Variants in JAGN1 observed in about 807,000 individuals in gnomAD.
JAGN1 encodes protein jagunal homolog 1.
In JAGN1, 13 loss-of-function variants were observed where a neutral mutation model predicts 17.1. The observed-to-expected ratio is 0.76, with a 90% CI of 0.49 to 1.21. The LOEUF (loss-of-function observed/expected upper bound fraction) is 1.21. JAGN1 is among the 50% of genes most tolerant of loss of function. The probability of loss-of-function intolerance (pLI) is 0.00; values close to 1 mark genes in which losing one functional copy is unlikely to be tolerated. For missense variants in JAGN1, 256 were observed against 234.2 expected (o/e 1.09, Z -0.61); for synonymous variants, 111 against 91.0 (o/e 1.22, Z -1.25).
In JAGN1 at chr3:9,893,124, T is replaced by G. The variant is rs2082574355; in HGVS notation, c.299T>G (p.Leu100Arg). ...TTTCCCCGCAACAACATTAGCTACC[T>G]GGTGCTCTCCATGATCAGCATGGGA... is the stretch of plus-strand genomic sequence containing the variant. ...LSFPRNNISY[L>R]VLSMISMGLF... is the part of the protein sequence containing the mutation. The change falls in exon 2 of 2, where the codon CTG becomes CGG. Residue 100 changes from leucine (L) to arginine (R), a missense_variant. Leu to Arg is a moderately radical substitution (Grantham distance 102). Coordinates refer to ENST00000647897, the MANE Select transcript of JAGN1 (RefSeq NM_032492.4). The G allele has an allele frequency of 6.2e-7, 1 of 1,614,234 alleles. No individual in the cohort carries two copies. Among genetic ancestry groups the G allele is most frequent in the South Asian group, 1.1e-5 (1 of 91,088 alleles).
At chr3:9,891,654 ATCTC>A (rs1039389162) in intron 1 of JAGN1, among the ~76,000 whole-genome samples, 5 of 152,004 alleles carry the variant, frequency 3.3e-5, no homozygotes, top group Admixed American at 3.3e-4. Flanking sequence ...TGTTCTTCAC[ATCTC>A]TCTCTCCAGA....
At position 9,894,343 on chromosome 3, in the gene JAGN1, C is replaced by T. The variant is rs2082582684; in HGVS notation, c.*966C>T. On this transcript the variant is annotated 3_prime_UTR_variant, in exon 2 of 2. Transcript: ENST00000647897. ...TGATTAAACTAAAGGCCCTTTCACA[C>T]CTAAAATTCTGGCAGTATTTATTGC... 1 of 152,204 alleles carries T rather than the reference C, an allele frequency of 6.6e-6. No individual in the cohort carries two copies. Among genetic ancestry groups the T allele is most frequent in the East Asian group, 1.9e-4 (1 of 5,204 alleles). The allele number at this position is 152,204 out of a possible 1,614,324, so 9.4% of individuals were successfully genotyped here.
rs201260563 is a variant in JAGN1 at position 9,892,927 on chromosome 3, G to A, written c.102G>A (p.Lys34=). The change falls in exon 2 of 2, where the codon AAG becomes AAA. Residue 34 remains lysine, a synonymous_variant. Coordinates refer to ENST00000647897, the MANE Select transcript of JAGN1 (RefSeq NM_032492.4). Reference sequence around the variant, plus strand: ...CTCTGCCCCACAGTGTGACTCTCAAGTATGAAATCAAGAAGCTGATCTACG... The same window carrying A: ...CTCTGCCCCACAGTGTGACTCTCAAATATGAAATCAAGAAGCTGATCTACG... ...AMHYQMSVTL[K]YEIKKLIYVH... 7.0e-5 allele frequency: 112 copies of A among 1,611,104 alleles called. No homozygotes were observed. Among genetic ancestry groups the A allele is most frequent in the Admixed American group, 1.2e-4 (7 of 59,958 alleles).
intron 1 of JAGN1, among the ~76,000 whole-genome samples, chr3:9,892,133 A>G (rs1303573403): frequency 6.6e-6 from 1 of 152,094 alleles, no homozygotes; most frequent in African/African-American, 2.4e-5. Context: ...TCTCAGCCTC[A>G]GCCTCCCGAG....
chr3:9,890,686 G>C lies in JAGN1; in HGVS notation c.-37G>C. The C allele has an allele frequency of 1.3e-6, 2 of 1,578,046 alleles. No individual in the cohort carries two copies. The highest frequency in any genetic ancestry group is 1.7e-6 in the Non-Finnish European group (2 of 1,160,034). The stretch of plus-strand genomic sequence containing the variant: ...CTTGGCGGTGTCGTTGCGGTACCAG[G>C]TCCGCGTGAGGGGTTCGGGGGTTCT... On this transcript the variant is annotated 5_prime_UTR_variant, in exon 1 of 2. Coordinates refer to ENST00000647897, the MANE Select transcript of JAGN1 (RefSeq NM_032492.4).
chr3:9,892,546 C>T (rs1466026495), intron 1 of JAGN1, among the ~76,000 whole-genome samples: 1 of 152,072 alleles, frequency 6.6e-6, no homozygotes, highest in Non-Finnish European at 1.5e-5. Context: ...TCCTGCCACA[C>T]ATAACCACTT....
At chr3:9,891,056 CCCTGCGTGGGCTCCCGA>C (rs2082559416) in intron 1 of JAGN1, among the ~76,000 whole-genome samples, 1 of 151,668 alleles carries the variant, frequency 6.6e-6, no homozygotes, top group African/African-American at 2.4e-5. Flanking sequence ...TGGGCTCCCG[CCCTGCGTGGGCTCCCGA>C]GTCACGTCGA....
chr3:9,893,404 T>A lies in JAGN1; in HGVS notation c.*27T>A. ...GCCTCTTTGGGGTGAAGCCTGGACA[T>A]CCCATCGAATGAAAGGACACTAGTA... On this transcript the variant is annotated 3_prime_UTR_variant, in exon 2 of 2. Transcript: ENST00000647897. 1 of 1,527,796 alleles carries A rather than the reference T, an allele frequency of 6.5e-7. No individual in the cohort carries two copies. Among genetic ancestry groups the A allele is most frequent in the Non-Finnish European group, 8.9e-7 (1 of 1,125,624 alleles). The allele number at this position is 1,527,796 out of a possible 1,614,324, so 94.6% of individuals were successfully genotyped here. A position where few individuals can be genotyped will look rare whatever the true frequency, so the allele number is the denominator to read the frequency against.
intron 1 of JAGN1, among the ~76,000 whole-genome samples, chr3:9,892,144 T>C (rs955520411): frequency 3.3e-5 from 5 of 151,964 alleles, no homozygotes; most frequent in Non-Finnish European, 7.4e-5. Flanking sequence ...GCCTCCCGAG[T>C]AGCTGGGACT....
Position 9,892,967 on chromosome 3 carries a change from T to C in JAGN1, c.142T>C (p.Trp48Arg). ...KKLIYVHLVIWLLLVAKMSVG... is the reference protein window; with the variant it reads ...KKLIYVHLVIRLLLVAKMSVG... ...GCTGATCTACGTACATCTGGTCATA[T>C]GGCTGCTGCTGGTTGCTAAGATGAG... The change falls in exon 2 of 2, where the codon TGG becomes CGG. Residue 48 changes from tryptophan to arginine, a missense_variant. Trp to Arg is a moderately radical substitution (Grantham distance 101). Coordinates refer to ENST00000647897, the MANE Select transcript of JAGN1 (RefSeq NM_032492.4). The C allele has an allele frequency of 6.8e-6, 11 of 1,614,206 alleles. No homozygotes were observed. The highest frequency in any genetic ancestry group is 1.3e-5 in the African/African-American group (1 of 75,056).
chr3:9,891,538 G>C (rs1341603389), intron 1 of JAGN1, among the ~76,000 whole-genome samples: 1 of 150,570 alleles, frequency 6.6e-6, no homozygotes, highest in African/African-American at 2.4e-5. Context: ...GAAGTCTAGA[G>C]ATGACTGTTT....
chr3:9,893,642 G>A lies in JAGN1; in HGVS notation c.*265G>A. ...CTTTGAGGTTTTTCTTTAAGAATGA[G>A]CTTCGTCCTTGCCTCTACTCGGTCA... On this transcript the variant is annotated 3_prime_UTR_variant, in exon 2 of 2. Transcript: ENST00000647897. 1 of 450,650 alleles carries A rather than the reference G, an allele frequency of 2.2e-6. No individual in the cohort carries two copies. Among genetic ancestry groups the A allele is most frequent in the Non-Finnish European group, 4.0e-6 (1 of 252,494 alleles). 27.9% of individuals were successfully genotyped at this position (450,650 alleles called of 1,614,324 possible).
At chr3:9,892,787 G>T in intron 1 of JAGN1, 128 bp from the exon 2 acceptor site, 1 of 630,870 alleles carries the variant, frequency 1.6e-6, no homozygotes, top group South Asian at 2.0e-5. Context: ...TTCCTCCTCT[G>T]TTCTTTGTGT....
At chr3:9,892,385 G>A (rs1444306650) in intron 1 of JAGN1, among the ~76,000 whole-genome samples, 2 of 149,704 alleles carry the variant, frequency 1.3e-5, no homozygotes, top group Admixed American at 1.3e-4. Flanking sequence ...TTTGTTGCCA[G>A]GCTGGTCTCG....
In JAGN1 at chr3:9,892,769, ATTAC is replaced by A. The variant is rs568674262; in HGVS notation, c.90-143_90-140del. On this transcript the variant is annotated intron_variant, in intron 1 of 1. Transcript: ENST00000647897. Reference sequence around the variant, plus strand: ...TAGAACTTTTTCACTTCATTTTCTAATTACTTTTTCCTCCTCTGTTCTTTGTGTC... The same window carrying A: ...TAGAACTTTTTCACTTCATTTTCTAATTTTTCCTCCTCTGTTCTTTGTGTC... 124 of 607,224 alleles carry A rather than the reference ATTAC, an allele frequency of 2.0e-4. No homozygotes were observed. In the African/African-American group the frequency reaches 2.1e-3, roughly 10 times the overall value. The allele number at this position is 607,224 out of a possible 1,614,324, so 37.6% of individuals were successfully genotyped here.
Position 9,893,572 on chromosome 3 carries a change from G to A in JAGN1, c.*195G>A, listed in dbSNP as rs528010866. 9 of 564,982 alleles carry A rather than the reference G, an allele frequency of 1.6e-5. No homozygotes were observed. Among genetic ancestry groups the A allele is most frequent in the South Asian group, 9.9e-5 (4 of 40,494 alleles). 35.0% of individuals were successfully genotyped at this position (564,982 alleles called of 1,614,324 possible). A position where few individuals can be genotyped will look rare whatever the true frequency, so the allele number is the denominator to read the frequency against. On this transcript the variant is annotated 3_prime_UTR_variant, in exon 2 of 2. Coordinates refer to ENST00000647897, the MANE Select transcript of JAGN1 (RefSeq NM_032492.4). ...ATTTATTCCTGGTTGGCTAGAACTG[G>A]GTGACCAACAGCTATGAAACAAATT...
rs1475343423 is a variant in JAGN1 at position 9,890,684 on chromosome 3, A to G, written c.-39A>G. ...CGCTTGGCGGTGTCGTTGCGGTACC[A>G]GGTCCGCGTGAGGGGTTCGGGGGTT... is the stretch of plus-strand genomic sequence containing the variant. On this transcript the variant is annotated 5_prime_UTR_variant, in exon 1 of 2. Transcript: ENST00000647897. 23 of 1,571,178 alleles carry G rather than the reference A, an allele frequency of 1.5e-5. No individual in the cohort carries two copies. The highest frequency in any genetic ancestry group is 2.3e-5 in the East Asian group (1 of 43,668).
chr3:9,891,366 A>G (rs538589687), intron 1 of JAGN1, among the ~76,000 whole-genome samples: 32 of 152,326 alleles, frequency 2.1e-4, no homozygotes, highest in Non-Finnish European at 4.3e-4. Context: ...TCTACATTCA[A>G]TTACTAGTTC....
chr3:9,893,779 T>G lies in JAGN1; in HGVS notation c.*402T>G. The G allele has an allele frequency of 6.5e-6, 1 of 154,630 alleles. No individual in the cohort carries two copies. 9.6% of individuals were successfully genotyped at this position (154,630 alleles called of 1,614,324 possible). ...GGTCAGGAAACATTTGGGCAGCTGC[T>G]CCCTTGGCAGGCTGTGGTCTCCTCT... On this transcript the variant is annotated 3_prime_UTR_variant, in exon 2 of 2. Coordinates refer to ENST00000647897, the MANE Select transcript of JAGN1 (RefSeq NM_032492.4).
Sources: gnomAD v4.1 joint callset for allele counts (sites outside exome capture counted in the v4.1 genomes callset) on GRCh38, gnomAD v4.1.1 for gene constraint, MANE v1.5 for transcripts, NCBI Gene and HGNC (gene_info 2026-07-23, HGNC 2026-07-21) for gene names.